Variants in DNAH6 observed in about 807,000 individuals in gnomAD.
The protein encoded by DNAH6 is dynein axonemal heavy chain 6, also known as axonemal beta dynein heavy chain 6.
Under a neutral mutation model 491.4 loss-of-function variants are expected in DNAH6, and 340 were observed. That is an observed-to-expected ratio of 0.69 (90% CI 0.63 to 0.76). The LOEUF is 0.76. DNAH6 is among the 30% of genes least tolerant of loss of function. DNAH6 has a pLI of 0.00. For synonymous variants in DNAH6, 1,603 were observed against 1,686.1 expected (o/e 0.95, Z 1.21); for missense variants, 4,443 against 4,972.2 (o/e 0.89, Z 3.20).
At chr2:84,768,619 A>G (rs1305835468) in intron 64 of DNAH6, among the ~76,000 whole-genome samples, 1 of 152,180 alleles carries the variant, frequency 6.6e-6, no homozygotes, top group East Asian at 1.9e-4. Flanking sequence ...CAAGACAAAT[A>G]TAATAAAAGA....
At position 84,807,311 on chromosome 2, in the gene DNAH6, A is replaced by G. The variant is rs190347915; in HGVS notation, c.11612-1104A>G. Among the ~76,000 whole-genome samples, 104 of 152,316 alleles carry G rather than the reference A, an allele frequency of 6.8e-4. 2 individuals are homozygous for G. In the East Asian group the frequency reaches 0.019, roughly 29 times the overall value. On this transcript the variant is annotated intron_variant, in intron 71 of 76. Coordinates refer to ENST00000389394, the MANE Select transcript of DNAH6 (RefSeq NM_001370.2). ...AGAAGGAATTTGATACATGTATGTC[A>G]TAGCCATTTGTTTACACATACTTTT...
chr2:84,606,946 T>C, intron 20 of DNAH6, 30 bp from the exon 21 acceptor site: 1 of 1,545,020 alleles, frequency 6.5e-7, no homozygotes. Flanking sequence ...TACTGGGTGC[T>C]GCATGTATTT....
At position 84,796,372 on chromosome 2, in the gene DNAH6, AAAGATTTTTTTCTCCTGAAAC is replaced by A; in HGVS notation, c.11308_11328del (p.Arg3770_Thr3776del). 1 of 1,524,766 alleles carries A rather than the reference AAAGATTTTTTTCTCCTGAAAC, an allele frequency of 6.6e-7. No homozygotes were observed. Among genetic ancestry groups the A allele is most frequent in the Non-Finnish European group, 8.9e-7 (1 of 1,129,638 alleles). The allele number at this position is 1,524,766 out of a possible 1,614,324, so 94.5% of individuals were successfully genotyped here. On this transcript the variant is annotated inframe_deletion, in exon 69 of 77. Transcript: ENST00000389394. ...CAAAGATGCCTTCGTACTATCTTGA[AAAGATTTTTTTCTCCTGAAAC>A]ATTAGAAGAAGATTATAAATACTCT... is the stretch of plus-strand genomic sequence containing the variant.
chr2:84,486,634 C>G, the DNAH6 span, among the ~76,000 whole-genome samples: 1 of 152,242 alleles, frequency 6.6e-6, no homozygotes, highest in Non-Finnish European at 1.5e-5. Context: ...ATTATTTTCT[C>G]TGTTAGTTAA....
intron 32 of DNAH6, 24 bp downstream of exon 32, chr2:84,640,602 G>A: frequency 6.5e-7 from 1 of 1,536,722 alleles, no homozygotes; most frequent in Non-Finnish European, 8.8e-7. Context: ...GTAGTCAAGA[G>A]TGAAATCCCA....
intron 70 of DNAH6, among the ~76,000 whole-genome samples, chr2:84,799,749 T>G (rs1301575794): frequency 2.0e-5 from 3 of 152,078 alleles, no homozygotes; most frequent in Non-Finnish European, 4.4e-5. Flanking sequence ...AAAGCCCCAC[T>G]TGGGAAAAAG....
rs773923089 is a variant in DNAH6, at chr2:84,705,614, A to C, written c.8594A>C (p.Asp2865Ala). The change falls in exon 52 of 77, where the codon GAT becomes GCT. Residue 2865 changes from aspartate to alanine, a missense_variant. Coordinates refer to ENST00000389394, the MANE Select transcript of DNAH6 (RefSeq NM_001370.2). ...AKLQKYINNP[D>A]FVPEKVEKVS... ...CTTCAAAAGTATATTAATAATCCTG[A>C]TTTTGTGCCTGAAAAAGTGGAGAAA... is the stretch of plus-strand genomic sequence containing the variant. The C allele has an allele frequency of 1.9e-6, 3 of 1,551,634 alleles. No individual in the cohort carries two copies. The South Asian group carries it at 3.6e-5, about 18-fold the overall frequency.
In DNAH6 at chr2:84,722,087, A is replaced by G. The variant is rs549903121; in HGVS notation, c.9793-538A>G. Among the ~76,000 whole-genome samples, 3 of 152,338 alleles carry G rather than the reference A, an allele frequency of 2.0e-5. No homozygotes were observed. In the South Asian group the frequency reaches 6.2e-4, roughly 32 times the overall value. ...AACTCATTTGGGGTTATAATCCTCCACAAACAACAGCTTCTATCCCATATG... is the reference window on the plus strand; with the variant it reads ...AACTCATTTGGGGTTATAATCCTCCGCAAACAACAGCTTCTATCCCATATG... On this transcript the variant is annotated intron_variant, in intron 59 of 76. Coordinates refer to ENST00000389394, the MANE Select transcript of DNAH6 (RefSeq NM_001370.2).
At position 84,602,482 on chromosome 2, in the gene DNAH6, C is replaced by CTTT. The variant is rs3029846; in HGVS notation, c.2869-1833_2869-1831dup. ...TCATTGTTCTATAGATGTTGTGTCC[C>CTTT]TTTTTTTTTTTTTTTTTTTTTTTTT... On this transcript the variant is annotated intron_variant, in intron 18 of 76. Coordinates refer to ENST00000389394, the MANE Select transcript of DNAH6 (RefSeq NM_001370.2). 4.6e-3 allele frequency among the ~76,000 whole-genome samples: 146 copies of CTTT among 32,024 alleles called. 10 individuals carry two copies. The highest frequency in any genetic ancestry group is 0.019 in the African/African-American group (133 of 7,158). 21.0% of individuals were successfully genotyped at this position (32,024 alleles called of 152,430 possible).
At chr2:84,674,808 C>T (rs1423546163) in intron 40 of DNAH6, among the ~76,000 whole-genome samples, 1 of 152,220 alleles carries the variant, frequency 6.6e-6, no homozygotes. Context: ...ACCAGGCCAG[C>T]GCTCAGTGGC....
chr2:84,815,792 T>C, intron 75 of DNAH6, 69 bp from the exon 76 acceptor site: 2 of 1,090,412 alleles, frequency 1.8e-6, no homozygotes, highest in East Asian at 2.6e-5. Flanking sequence ...ATGTGGGACA[T>C]AGGAAGTGGC....
At chr2:84,611,624 G>C (rs749631188) in intron 21 of DNAH6, 50 bp from the exon 22 acceptor site, 2 of 1,447,198 alleles carry the variant, frequency 1.4e-6, no homozygotes, top group South Asian at 2.5e-5. Flanking sequence ...GTAACCATAT[G>C]TTTTTAATTG....
rs1680161993 is a variant in DNAH6, at chr2:84,813,150, A to G, written c.11998+20A>G. On this transcript the variant is annotated intron_variant, in intron 74 of 76. Transcript: ENST00000389394. ...TAACAGGTACCAGCGCTTTCTAGAAAAACCCCATAGGAATGGCCATGACTT... is the reference window on the plus strand; with the variant it reads ...TAACAGGTACCAGCGCTTTCTAGAAGAACCCCATAGGAATGGCCATGACTT... 6.5e-7 allele frequency: 1 copy of G among 1,535,956 alleles called. No homozygotes were observed. The highest frequency in any genetic ancestry group is 8.8e-7 in the Non-Finnish European group (1 of 1,133,368).
intron 10 of DNAH6, among the ~76,000 whole-genome samples, chr2:84,553,828 G>A (rs1679760891): frequency 6.6e-6 from 1 of 151,950 alleles, no homozygotes; most frequent in African/African-American, 2.4e-5. Flanking sequence ...GAATTTTGTT[G>A]TCTTAGTTAT....
At chr2:84,482,335 A>C in the DNAH6 span, among the ~76,000 whole-genome samples, 1 of 152,190 alleles carries the variant, frequency 6.6e-6, no homozygotes. Flanking sequence ...CCTCTGATCC[A>C]ATTAACTTAT....
intron 11 of DNAH6, among the ~76,000 whole-genome samples, chr2:84,565,120 A>G (rs1681048137): frequency 1.3e-5 from 2 of 152,074 alleles, no homozygotes; most frequent in Admixed American, 6.6e-5. Flanking sequence ...TTTTGCATCT[A>G]TGTTCATCAG....
intron 68 of DNAH6, among the ~76,000 whole-genome samples, chr2:84,791,790 G>T (rs1035763787): frequency 5.3e-5 from 8 of 151,752 alleles, no homozygotes; most frequent in Admixed American, 5.3e-4. Context: ...AAAAGACAAT[G>T]CTTTATCCAG....
Position 84,706,965 on chromosome 2 carries a change from A to T in DNAH6, c.8797A>T (p.Ile2933Leu). ...QALLRQVEDQ[I>L]QALQDEYDKG... ...ATTACTAAGACAAGTAGAAGATCAA[A>T]TACAGGCCTTACAAGATGAATATGA... is the stretch of plus-strand genomic sequence containing the variant. Residue 2933 changes from isoleucine to leucine, a missense_variant, in exon 53 of 77, where the codon ATA becomes TTA. By Grantham distance (5) the Ile-to-Leu change is conservative. Around this residue, in one of 3 missense-constraint regions of DNAH6, gnomAD observed 1,463 missense variants for 1,656.6 expected, o/e 0.88. Transcript: ENST00000389394. The T allele has an allele frequency of 6.5e-7, 1 of 1,543,346 alleles. No homozygotes were observed. Among genetic ancestry groups the T allele is most frequent in the Non-Finnish European group, 8.7e-7 (1 of 1,145,458 alleles).
At chr2:84,641,873 T>TC in intron 32 of DNAH6, 74 bp from the exon 33 acceptor site, 1 of 1,245,014 alleles carries the variant, frequency 8.0e-7, no homozygotes, top group Non-Finnish European at 1.1e-6. Context: ...GGCTCTGCCC[T>TC]CCCCACAGGT....
Sources: gnomAD v4.1 joint callset for allele counts (sites outside exome capture counted in the v4.1 genomes callset) on GRCh38, gnomAD v4.1.1 for gene constraint, gnomAD v4.1.1 regional missense constraint, MANE v1.5 for transcripts, NCBI Gene and HGNC (gene_info 2026-07-23, HGNC 2026-07-21) for gene names.